The following DACH1 variants were observed in gnomAD, a reference collection of about 807,000 sequenced individuals.
DACH1 encodes dachshund family transcription factor 1.
DACH1 carries 12 observed loss-of-function variants against 54.2 expected under a neutral mutation model. That is an observed-to-expected ratio of 0.22 (90% CI 0.14 to 0.36). The LOEUF is 0.36. DACH1 is among the 10% of genes least tolerant of loss of function. The probability of loss-of-function intolerance (pLI) is 1.00; values close to 1 mark genes in which losing one functional copy is unlikely to be tolerated. For missense variants in DACH1, 805 were observed against 929.8 expected, an observed-to-expected ratio of 0.87 and a Z score of 1.75; for synonymous variants, 386 against 366.2, an observed-to-expected ratio of 1.05 and a Z score of -0.62.
chr13:71,572,696 T>A, intron 4 of DACH1, 144 bp downstream of exon 4: 1 of 847,826 alleles, frequency 1.2e-6, no homozygotes. Flanking sequence ...TGGGGCCATT[T>A]GCTACAAGTG....
At chr13:71,448,716 A>C (rs967202073) in intron 10 of DACH1, among the ~76,000 whole-genome samples, 1 of 152,202 alleles carries the variant, frequency 6.6e-6, no homozygotes, top group Non-Finnish European at 1.5e-5. Context: ...TGAAATGCAG[A>C]TAATAACAGT....
At chr13:71,631,771 A>G (rs912532759) in intron 2 of DACH1, among the ~76,000 whole-genome samples, 2 of 152,166 alleles carry the variant, frequency 1.3e-5, no homozygotes, top group Non-Finnish European at 2.9e-5. Flanking sequence ...TCATCCATCC[A>G]GAGAACAGGG....
intron 1 of DACH1, among the ~76,000 whole-genome samples, chr13:71,753,498 T>C (rs566748383): frequency 4.1e-4 from 63 of 152,206 alleles, no homozygotes; most frequent in Non-Finnish European, 7.9e-4. Flanking sequence ...ATGCAAGTTT[T>C]TTAAATGCCT....
Position 71,866,075 on chromosome 13 carries a change from T to C in DACH1, c.695A>G (p.Lys232Arg). 1 of 1,613,802 alleles carries C rather than the reference T, an allele frequency of 6.2e-7. No individual in the cohort carries two copies. Residue 232 changes from lysine to arginine, a missense_variant, in exon 1 of 11, where the codon AAG becomes AGG. Physicochemically the swap from Lys to Arg is conservative, Grantham distance 26 (BLOSUM62 2). Around this residue, in one of 3 missense-constraint regions of DACH1, gnomAD observed 28 missense variants for 75.7 expected, o/e 0.37. Transcript: ENST00000613252. ...CGGCGTGATCTCCAGCCGCTTCAGC[T>C]TGGTGTAGACCGTATGCAAGCCCCC... The part of the protein sequence containing the change: ...LVGGLHTVYT[K>R]LKRLEITPVV...
rs151016245 is a variant in DACH1, at chr13:71,449,878, C to G, written c.2084-9186G>C. Among the ~76,000 whole-genome samples, 1,155 of 136,234 alleles carry G rather than the reference C, an allele frequency of 8.5e-3. 10 individuals carry two copies. Among genetic ancestry groups the G allele is most frequent in the African/African-American group, 0.03 (1,066 of 35,690 alleles). 89.4% of individuals were successfully genotyped at this position (136,234 alleles called of 152,430 possible). On this transcript the variant is annotated intron_variant, in intron 10 of 10. Coordinates refer to ENST00000613252, the MANE Select transcript of DACH1 (RefSeq NM_080759.6). Reference sequence around the variant, plus strand: ...TTGAAAACATGTTCTAATGAGAACACATGGACACAGGAAGGGGAACATCAC... The same window carrying G: ...TTGAAAACATGTTCTAATGAGAACAGATGGACACAGGAAGGGGAACATCAC...
intron 1 of DACH1, among the ~76,000 whole-genome samples, chr13:71,864,117 C>T (rs1023802975): frequency 2.1e-4 from 31 of 151,118 alleles, no homozygotes; most frequent in African/African-American, 6.3e-4. Flanking sequence ...CTTGCTTCCG[C>T]GACCCCCACC....
intron 1 of DACH1, among the ~76,000 whole-genome samples, chr13:71,812,826 A>G (rs775488432): frequency 6.6e-6 from 1 of 152,184 alleles, no homozygotes; most frequent in South Asian, 2.1e-4. Flanking sequence ...TTATATTTCA[A>G]ATATCTACAT....
chr13:71,700,536 A>G (rs1882072417), intron 1 of DACH1, among the ~76,000 whole-genome samples: 2 of 141,264 alleles, frequency 1.4e-5, no homozygotes, highest in South Asian at 4.5e-4. Flanking sequence ...ATCCTGGGTG[A>G]CACACAGCAA....
In DACH1 at chr13:71,866,705, G is replaced by T; in HGVS notation, c.65C>A (p.Thr22Lys). 6.9e-7 allele frequency: 1 copy of T among 1,454,704 alleles called. No homozygotes were observed. The highest frequency in any genetic ancestry group is 1.4e-5 in the African/African-American group (1 of 68,986). 90.1% of individuals were successfully genotyped at this position (1,454,704 alleles called of 1,614,324 possible). A position where few individuals can be genotyped will look rare whatever the true frequency, so the allele number is the denominator to read the frequency against. The change falls in exon 1 of 11, where the codon ACG becomes AAG. Residue 22 changes from threonine (T) to lysine (K), a missense_variant. Thr to Lys is a moderately conservative substitution (Grantham distance 78). Transcript: ENST00000613252. ...GGTGGTGCCAGAGGAGGAAGCAGACGTGGAGATTGGGGGTTGAGGGGGGAC... is the reference window on the plus strand; with the variant it reads ...GGTGGTGCCAGAGGAGGAAGCAGACTTGGAGATTGGGGGTTGAGGGGGGAC... ...QLVPPQPPIS[T>K]SASSSGTTTS...
chr13:71,522,858 T>C (rs1881702506), intron 6 of DACH1, among the ~76,000 whole-genome samples: 1 of 152,118 alleles, frequency 6.6e-6, no homozygotes, highest in Admixed American at 6.6e-5. Flanking sequence ...TGTGAAATTC[T>C]TTTCTCTCTT....
intron 6 of DACH1, among the ~76,000 whole-genome samples, chr13:71,528,434 T>TC (rs1415651972): frequency 6.9e-6 from 1 of 145,554 alleles, no homozygotes; most frequent in Non-Finnish European, 1.5e-5. Context: ...TCTTTTTTTT[T>TC]TTTTTTTTTT....
In DACH1 at chr13:71,525,620, G is replaced by A. The variant is rs190959034; in HGVS notation, c.1570+31404C>T. On this transcript the variant is annotated intron_variant, in intron 6 of 10. Transcript: ENST00000613252. ...AAGTCCTCAAAACAAAATAATAAGT[G>A]TTGTGGACATTCTTATTCAAATGGT... Among the ~76,000 whole-genome samples the A allele has an allele frequency of 1.1e-4, 16 of 152,204 alleles. No homozygotes were observed. The East Asian group carries it at 2.9e-3, about 28-fold the overall frequency.
intron 1 of DACH1, among the ~76,000 whole-genome samples, chr13:71,748,814 A>G (rs570750221): frequency 2.7e-5 from 4 of 150,818 alleles, no homozygotes; most frequent in Non-Finnish European, 4.4e-5. Flanking sequence ...ATTTTTCTCT[A>G]TGTTACCTGA....
chr13:71,518,464 G>C (rs1881325940), intron 6 of DACH1, among the ~76,000 whole-genome samples: 2 of 151,762 alleles, frequency 1.3e-5, no homozygotes, highest in African/African-American at 4.8e-5. Flanking sequence ...AACTAATATA[G>C]TAAAATTCTG....
Position 71,759,390 on chromosome 13 carries a change from T to G in DACH1, c.849-77480A>C, listed in dbSNP as rs113979669. On this transcript the variant is annotated intron_variant, in intron 1 of 10. Coordinates refer to ENST00000613252, the MANE Select transcript of DACH1 (RefSeq NM_080759.6). ...AGTTCATTCCCCCCAACCCCCACGC[T>G]GCCCTCACTATTATTAAGTGTCATT... Among the ~76,000 whole-genome samples the G allele has an allele frequency of 9.6e-3, 1,464 of 152,268 alleles. 29 individuals carry two copies. The highest frequency in any genetic ancestry group is 0.034 in the African/African-American group (1,392 of 41,548).
At chr13:71,843,390 T>TA (rs1184479022) in intron 1 of DACH1, among the ~76,000 whole-genome samples, 1 of 152,040 alleles carries the variant, frequency 6.6e-6, no homozygotes, top group Non-Finnish European at 1.5e-5. Flanking sequence ...TCAGCCTCTC[T>TA]AGTAGCTGGG....
At chr13:71,682,624 C>T (rs1386655752) in intron 1 of DACH1, among the ~76,000 whole-genome samples, 1 of 152,094 alleles carries the variant, frequency 6.6e-6, no homozygotes, top group Non-Finnish European at 1.5e-5. Flanking sequence ...ACTAAGTTCC[C>T]TTACTTTTAA....
intron 1 of DACH1, among the ~76,000 whole-genome samples, chr13:71,762,125 A>T (rs182161975): frequency 6.6e-6 from 1 of 152,276 alleles, no homozygotes; most frequent in East Asian, 1.9e-4. Flanking sequence ...GGTGAGGTAA[A>T]ATAACTGGTC....
chr13:71,751,339 C>T (rs1884916175), intron 1 of DACH1, among the ~76,000 whole-genome samples: 1 of 152,156 alleles, frequency 6.6e-6, no homozygotes, highest in Non-Finnish European at 1.5e-5. Context: ...GCTATGACAG[C>T]ACCTAAATGC....
Sources: allele counts gnomAD v4.1 joint callset (sites outside exome capture counted in the v4.1 genomes callset), GRCh38; gene constraint gnomAD v4.1.1; regional missense constraint gnomAD v4.1.1; transcripts MANE v1.5; gene names NCBI Gene and HGNC (gene_info 2026-07-23, HGNC 2026-07-21).